RELL1: variants seen among roughly 807,000 people sequenced by gnomAD.
RELL1 encodes the protein RELT-like protein 1.
In RELL1, 10 loss-of-function variants were observed where a neutral mutation model predicts 23.0. That is an observed-to-expected ratio of 0.43 (90% CI 0.27 to 0.74). The LOEUF is 0.74. RELL1 is among the 30% of genes least tolerant of loss of function. RELL1 has a pLI of 0.19. For missense variants in RELL1, 315 were observed against 364.4 expected, an observed-to-expected ratio of 0.86 and a Z score of 1.10; for synonymous variants, 146 against 146.8, an observed-to-expected ratio of 0.99 and a Z score of 0.04.
At chr4:37,634,794 G>A in intron 5 of RELL1, 93 bp downstream of exon 5, 4 of 1,074,864 alleles carry the variant, frequency 3.7e-6, no homozygotes, top group Non-Finnish European at 4.3e-6. Flanking sequence ...GACAGGCACA[G>A]AGAACATATT....
At chr4:37,668,861 C>T (rs1721648614) in intron 1 of RELL1, among the ~76,000 whole-genome samples, 1 of 149,082 alleles carries the variant, frequency 6.7e-6, no homozygotes. Flanking sequence ...AGCGCCTCTG[C>T]CCTGTCGCCT....
At chr4:37,588,825 C>A (rs1718444871), downstream of RELL1, 1 of 1,582,698 alleles carries the variant, frequency 6.3e-7, no homozygotes, top group Non-Finnish European at 8.7e-7. Flanking sequence ...TGTTCTCTAC[C>A]TTTTACGCTT....
At chr4:37,635,149 A>G (rs1315050531) in intron 4 of RELL1, 26 bp from the exon 5 acceptor site, 1 of 1,567,156 alleles carries the variant, frequency 6.4e-7, no homozygotes, top group South Asian at 1.1e-5. Context: ...AAACAAAAAG[A>G]GCAACTGGTT....
At chr4:37,684,597 C>T (rs780493402) in intron 1 of RELL1, among the ~76,000 whole-genome samples, 15 of 152,200 alleles carry the variant, frequency 9.9e-5, no homozygotes, top group Non-Finnish European at 1.5e-4. Context: ...TCTCCAACCT[C>T]ACATCCAAGT....
At chr4:37,627,888 T>A (rs1431272295) in intron 6 of RELL1, among the ~76,000 whole-genome samples, 5 of 152,176 alleles carry the variant, frequency 3.3e-5, no homozygotes, top group Non-Finnish European at 7.3e-5. Context: ...CACATAGCAC[T>A]CCTCTCCTGC....
intron 1 of RELL1, among the ~76,000 whole-genome samples, chr4:37,672,455 G>A (rs1282338215): frequency 6.6e-6 from 1 of 152,188 alleles, no homozygotes; most frequent in Non-Finnish European, 1.5e-5. Flanking sequence ...TTGACTCAAA[G>A]TCAAGAGTCT....
chr4:37,591,126 C>T, exon 7 of RELL1: 1 of 743,346 alleles, frequency 1.3e-6, no homozygotes, highest in Non-Finnish European at 2.2e-6. Context: ...TTGTTTACAT[C>T]CAGCATCTGT....
At chr4:37,604,470 T>C (rs2109491259) in intron 6 of RELL1, among the ~76,000 whole-genome samples, 1 of 152,266 alleles carries the variant, frequency 6.6e-6, no homozygotes, top group Admixed American at 6.5e-5. Context: ...TTCCTCAGCA[T>C]AAGCTGTTAT....
intron 6 of RELL1, among the ~76,000 whole-genome samples, chr4:37,595,473 T>C (rs138325035): frequency 2.0e-5 from 3 of 152,046 alleles, no homozygotes; most frequent in African/African-American, 7.2e-5. Flanking sequence ...TACATATTTG[T>C]TGATTGAAAG....
At chr4:37,652,386 T>C (rs1720978617) in intron 1 of RELL1, among the ~76,000 whole-genome samples, 1 of 152,218 alleles carries the variant, frequency 6.6e-6, no homozygotes, top group African/African-American at 2.4e-5. Context: ...CAATATACCG[T>C]CTAAGTTAGG....
intron 6 of RELL1, among the ~76,000 whole-genome samples, chr4:37,602,082 T>C (rs1719029740): frequency 6.6e-6 from 1 of 152,036 alleles, no homozygotes; most frequent in South Asian, 2.1e-4. Flanking sequence ...CTGAGCATGA[T>C]GGCCTGTGCC....
At chr4:37,593,287 G>A (rs949054996) in intron 6 of RELL1, among the ~76,000 whole-genome samples, 1 of 152,140 alleles carries the variant, frequency 6.6e-6, no homozygotes, top group Non-Finnish European at 1.5e-5. Context: ...AAGAAGTCTG[G>A]AGTTAGTGAT....
intron 6 of RELL1, among the ~76,000 whole-genome samples, chr4:37,625,316 AT>A (rs1430113395): frequency 6.6e-6 from 1 of 152,238 alleles, no homozygotes; most frequent in Non-Finnish European, 1.5e-5. Context: ...CTGGACAATG[AT>A]TTTTTGATAA....
chr4:37,652,789 T>A (rs1026370819), intron 1 of RELL1, among the ~76,000 whole-genome samples: 1 of 152,176 alleles, frequency 6.6e-6, no homozygotes. Flanking sequence ...CTTAATTTCA[T>A]AATTATCGTG....
At chr4:37,595,627 CATAGGAATTTGAGAGT>C (rs1438729334) in intron 6 of RELL1, among the ~76,000 whole-genome samples, 1 of 74,066 alleles carries the variant, frequency 1.4e-5, no homozygotes, top group Non-Finnish European at 4.1e-5. Context: ...AGCACAAATC[CATAGGAATTTGAGAGT>C]TTAGGAATTG....
At chr4:37,617,539 T>C (rs937491171) in intron 6 of RELL1, among the ~76,000 whole-genome samples, 1 of 152,170 alleles carries the variant, frequency 6.6e-6, no homozygotes, top group Non-Finnish European at 1.5e-5. Context: ...TCCCAGCACT[T>C]TGGGAGGCCA....
Position 37,679,574 on chromosome 4 carries a change from C to T in RELL1, c.88+6626G>A, listed in dbSNP as rs182147897. 3.0e-3 allele frequency among the ~76,000 whole-genome samples: 464 copies of T among 152,266 alleles called. 6 individuals are homozygous for T. The South Asian group carries it at 0.037, about 12-fold the overall frequency. On this transcript the variant is annotated intron_variant, in intron 1 of 6. Transcript: ENST00000454158. Reference sequence around the variant, plus strand: ...TAGGAAGGTAATGCAATGCATTTAGCGCACAACCTGTAACACTCAAATCAA... The same window carrying T: ...TAGGAAGGTAATGCAATGCATTTAGTGCACAACCTGTAACACTCAAATCAA...
intron 4 of RELL1, among the ~76,000 whole-genome samples, chr4:37,637,599 C>T (rs932583658): frequency 6.6e-6 from 1 of 152,212 alleles, no homozygotes; most frequent in African/African-American, 2.4e-5. Flanking sequence ...CTTCAGTCTC[C>T]ACCCATCCTA....
chr4:37,643,722 A>T (rs1392679401), intron 3 of RELL1, among the ~76,000 whole-genome samples: 6 of 152,384 alleles, frequency 3.9e-5, no homozygotes, highest in African/African-American at 2.4e-5. Flanking sequence ...AAATATTTTT[A>T]AAAATGCATT....
Sources: allele counts gnomAD v4.1 joint callset (sites outside exome capture counted in the v4.1 genomes callset), GRCh38; gene constraint gnomAD v4.1.1; transcripts MANE v1.5; gene names NCBI Gene and HGNC (gene_info 2026-07-23, HGNC 2026-07-21).